Variants in GALNT13 observed in about 807,000 individuals in gnomAD.
GALNT13 encodes UDP-GalNAc:polypeptide N-acetylgalactosaminyltransferase 13.
GALNT13 carries 28 observed loss-of-function variants against 64.2 expected under a neutral mutation model. That is an observed-to-expected ratio of 0.44 (90% CI 0.32 to 0.60). The LOEUF is 0.60. Among genes scored for constraint, GALNT13 ranks in the 20% least tolerant of loss-of-function variants. The probability of loss-of-function intolerance (pLI) is 0.05; values close to 1 mark genes in which losing one functional copy is unlikely to be tolerated. For synonymous variants in GALNT13, 214 were observed against 224.6 expected (o/e 0.95, Z 0.42); for missense variants, 577 against 669.8 (o/e 0.86, Z 1.53).
chr2:154,121,645 T>A (rs972882670), intron 3 of GALNT13, among the ~76,000 whole-genome samples: 1 of 152,162 alleles, frequency 6.6e-6, no homozygotes, highest in Non-Finnish European at 1.5e-5. Context: ...TTGAGTTTTG[T>A]GTATTGTGAC....
chr2:153,923,136 G>A (rs1040615356), intron 2 of GALNT13, among the ~76,000 whole-genome samples: 3 of 152,080 alleles, frequency 2.0e-5, no homozygotes, highest in Non-Finnish European at 4.4e-5. Context: ...CTGACCTCAG[G>A]TGATCCTCCC....
At chr2:154,348,802 G>C (rs867533738) in intron 9 of GALNT13, among the ~76,000 whole-genome samples, 1 of 151,958 alleles carries the variant, frequency 6.6e-6, no homozygotes, top group Non-Finnish European at 1.5e-5. Flanking sequence ...CTAGCGCTCC[G>C]GAGTTTGCAT....
the GALNT13 span, among the ~76,000 whole-genome samples, chr2:153,104,781 G>A: frequency 6.6e-6 from 1 of 152,090 alleles, no homozygotes; most frequent in Admixed American, 6.6e-5. Context: ...AATGAGAAGA[G>A]GCAGATTTCA....
chr2:153,888,968 A>G (rs985598441), intron 1 of GALNT13, among the ~76,000 whole-genome samples: 4 of 152,028 alleles, frequency 2.6e-5, no homozygotes, highest in African/African-American at 9.7e-5. Flanking sequence ...TAGTTATAAA[A>G]TATTTAGCAA....
chr2:153,551,300 T>A, the GALNT13 span, among the ~76,000 whole-genome samples: 1 of 152,176 alleles, frequency 6.6e-6, no homozygotes, highest in South Asian at 2.1e-4. Context: ...AGGATCTGGA[T>A]GGGGTATCTT....
At chr2:153,121,950 A>G in the GALNT13 span, among the ~76,000 whole-genome samples, 5 of 152,048 alleles carry the variant, frequency 3.3e-5, no homozygotes, top group Admixed American at 1.3e-4. Flanking sequence ...TTCTATTTTT[A>G]TGTTTGTAAT....
the GALNT13 span, among the ~76,000 whole-genome samples, chr2:153,694,190 C>G: frequency 6.6e-6 from 1 of 152,122 alleles, no homozygotes; most frequent in African/African-American, 2.4e-5. Context: ...TTGGGTAACT[C>G]AGTTACGAAG....
At chr2:154,219,125 G>T (rs1395726927) in intron 4 of GALNT13, among the ~76,000 whole-genome samples, 1 of 151,692 alleles carries the variant, frequency 6.6e-6, no homozygotes, top group East Asian at 1.9e-4. Flanking sequence ...ATTTTTATAT[G>T]CTTCCTAGCC....
chr2:153,587,945 T>C, the GALNT13 span, among the ~76,000 whole-genome samples: 1 of 152,146 alleles, frequency 6.6e-6, no homozygotes, highest in South Asian at 2.1e-4. Context: ...CCATTCCAAA[T>C]GGGAGAAATT....
chr2:153,279,152 C>G, the GALNT13 span, among the ~76,000 whole-genome samples: 1 of 152,058 alleles, frequency 6.6e-6, no homozygotes, highest in African/African-American at 2.4e-5. Context: ...TGATTTGGCT[C>G]TCATCTTGAA....
At chr2:153,691,786 G>A in the GALNT13 span, among the ~76,000 whole-genome samples, 1 of 152,050 alleles carries the variant, frequency 6.6e-6, no homozygotes, top group Non-Finnish European at 1.5e-5. Flanking sequence ...ACTACTGGTG[G>A]TATTGAAAAT....
chr2:153,129,042 A>AT, the GALNT13 span, among the ~76,000 whole-genome samples: 1 of 152,100 alleles, frequency 6.6e-6, no homozygotes, highest in Non-Finnish European at 1.5e-5. Flanking sequence ...GTCCATAGGA[A>AT]TTTTTTAGAT....
intron 1 of GALNT13, 61 bp downstream of exon 1, chr2:153,872,364 T>C (rs1433485160): frequency 6.6e-6 from 1 of 152,008 alleles, no homozygotes; most frequent in African/African-American, 2.4e-5. Flanking sequence ...GAGCTCCCTC[T>C]GGGCTGCCAG....
chr2:153,165,615 A>T, the GALNT13 span, among the ~76,000 whole-genome samples: 2 of 152,174 alleles, frequency 1.3e-5, no homozygotes, highest in Non-Finnish European at 2.9e-5. Context: ...TAAACACATA[A>T]TATACACTAA....
intron 9 of GALNT13, among the ~76,000 whole-genome samples, chr2:154,392,805 T>C (rs1480260771): frequency 6.6e-6 from 1 of 152,116 alleles, no homozygotes; most frequent in East Asian, 1.9e-4. Flanking sequence ...AAAATATAGG[T>C]AGAGGAATGT....
At chr2:153,514,811 T>A in the GALNT13 span, among the ~76,000 whole-genome samples, 1 of 152,188 alleles carries the variant, frequency 6.6e-6, no homozygotes, top group African/African-American at 2.4e-5. Context: ...GATCCTGCAG[T>A]GCCTAACAGG....
At chr2:153,479,300 C>G in the GALNT13 span, among the ~76,000 whole-genome samples, 1 of 151,832 alleles carries the variant, frequency 6.6e-6, no homozygotes, top group Non-Finnish European at 1.5e-5. Flanking sequence ...GAGAATGTTT[C>G]TTACAAAGCA....
At chr2:153,917,218 A>G (rs75497787) in intron 2 of GALNT13, among the ~76,000 whole-genome samples, 439 of 152,208 alleles carry the variant, frequency 2.9e-3, no homozygotes, top group Non-Finnish European at 5.0e-3. Context: ...TCATATTGCC[A>G]TCATCTTTAA....
the GALNT13 span, among the ~76,000 whole-genome samples, chr2:153,484,481 A>C: frequency 6.6e-6 from 1 of 152,230 alleles, no homozygotes. Context: ...TGAGTTTACA[A>C]ATTGAAATTT....
Sources: gnomAD v4.1 joint callset for allele counts (sites outside exome capture counted in the v4.1 genomes callset) on GRCh38, gnomAD v4.1.1 for gene constraint, MANE v1.5 for transcripts, NCBI Gene and HGNC (gene_info 2026-07-23, HGNC 2026-07-21) for gene names.